NRG3: variants seen among roughly 807,000 people sequenced by gnomAD.
The protein encoded by NRG3 is pro-neuregulin-3, membrane-bound isoform.
A neutral mutation model predicts 66.9 loss-of-function variants in NRG3; 31 were observed. The observed-to-expected ratio is 0.46, with a 90% CI of 0.35 to 0.63. NRG3 has a LOEUF of 0.63. NRG3 is among the 20% of genes least tolerant of loss of function. The pLI is 0.00. For synonymous variants in NRG3, 393 were observed against 359.4 expected (o/e 1.09, Z -1.06); for missense variants, 910 against 878.9 (o/e 1.04, Z -0.45).
intron 1 of NRG3, among the ~76,000 whole-genome samples, chr10:82,134,009 T>C (rs1437583112): frequency 6.6e-6 from 1 of 152,198 alleles, no homozygotes; most frequent in Non-Finnish European, 1.5e-5. Flanking sequence ...ATTTCTCTAA[T>C]GATCACTGAT....
intron 1 of NRG3, among the ~76,000 whole-genome samples, chr10:82,008,729 C>T (rs2061467735): frequency 6.6e-6 from 1 of 152,002 alleles, no homozygotes; most frequent in Non-Finnish European, 1.5e-5. Flanking sequence ...ATGAGGAACA[C>T]AATTTGAATA....
intron 1 of NRG3, among the ~76,000 whole-genome samples, chr10:82,328,726 T>TGCCTGGCAC (rs2081992898): frequency 6.6e-6 from 1 of 152,172 alleles, no homozygotes; most frequent in Non-Finnish European, 1.5e-5. Context: ...CCTCCTGGCA[T>TGCCTGGCAC]GCCTGGCACA....
chr10:82,059,732 GGATGGATTCTTC>G (rs1262880748), intron 1 of NRG3, among the ~76,000 whole-genome samples: 1 of 152,068 alleles, frequency 6.6e-6, no homozygotes, highest in African/African-American at 2.4e-5. Flanking sequence ...TCCTACACCA[GGATGGATTCTTC>G]GCTTTCCATA....
chr10:82,594,198 C>T (rs981976), intron 2 of NRG3, among the ~76,000 whole-genome samples: 4,585 of 152,164 alleles, frequency 0.03, 239 homozygotes, highest in African/African-American at 0.1. Context: ...TATGTAGTCT[C>T]TTCAAGATGA....
rs973730684 is a variant in NRG3 at position 82,346,329 on chromosome 10, G to A, written c.824-12410G>A. 5.4e-5 allele frequency among the ~76,000 whole-genome samples: 8 copies of A among 148,552 alleles called. No homozygotes were observed. In the South Asian group the frequency reaches 1.7e-3, roughly 31 times the overall value. ...CTGCATCTATTGAGATAATCATGTGGTTTTTGTCTTTGGCTCTGTTTATAT... is the reference window on the plus strand; with the variant it reads ...CTGCATCTATTGAGATAATCATGTGATTTTTGTCTTTGGCTCTGTTTATAT... On this transcript the variant is annotated intron_variant, in intron 1 of 8. Coordinates refer to ENST00000372141, the MANE Select transcript of NRG3 (RefSeq NM_001010848.4).
chr10:82,097,395 C>CACACACAA (rs2066413776), intron 1 of NRG3, among the ~76,000 whole-genome samples: 1 of 145,996 alleles, frequency 6.8e-6, no homozygotes, highest in Admixed American at 6.9e-5. Flanking sequence ...CACACACACA[C>CACACACAA]ACTCCCAGAT....
chr10:82,723,080 T>C (rs2057398711), intron 2 of NRG3, among the ~76,000 whole-genome samples: 1 of 152,154 alleles, frequency 6.6e-6, no homozygotes, highest in Non-Finnish European at 1.5e-5. Context: ...TAGGTGCTGA[T>C]CAACAGTGGA....
intron 1 of NRG3, among the ~76,000 whole-genome samples, chr10:82,169,176 C>A (rs907259256): frequency 6.6e-6 from 1 of 152,092 alleles, no homozygotes; most frequent in Non-Finnish European, 1.5e-5. Context: ...ATATTGGTAT[C>A]TTTATGCACA....
chr10:82,743,109 T>C (rs2134818956), intron 3 of NRG3, among the ~76,000 whole-genome samples: 1 of 152,212 alleles, frequency 6.6e-6, no homozygotes, highest in African/African-American at 2.4e-5. Flanking sequence ...CCCCACCCTG[T>C]GCCTTTCTCT....
At chr10:82,944,275 T>A (rs1255898374) in intron 4 of NRG3, among the ~76,000 whole-genome samples, 1 of 152,248 alleles carries the variant, frequency 6.6e-6, no homozygotes, top group African/African-American at 2.4e-5. Flanking sequence ...ATAAATGTTA[T>A]GTGGAAATAA....
rs1324519945 is a variant in NRG3, at chr10:82,560,051, C to T, written c.954-178526C>T. Among the ~76,000 whole-genome samples the T allele has an allele frequency of 1.6e-4, 24 of 151,824 alleles. No homozygotes were observed. In the East Asian group the frequency reaches 4.6e-3, roughly 29 times the overall value. The stretch of plus-strand genomic sequence containing the variant: ...TGACATCAATTTTTTTCATTGTCAT[C>T]ATCTTTCCTATTAAGTTTATCTTCA... On this transcript the variant is annotated intron_variant, in intron 2 of 8. Transcript: ENST00000372141.
At chr10:82,109,537 G>T (rs770788291) in intron 1 of NRG3, among the ~76,000 whole-genome samples, 2 of 53,548 alleles carry the variant, frequency 3.7e-5, no homozygotes, top group African/African-American at 8.4e-5. Context: ...GAATAAGATT[G>T]TGTGTGTGTG....
chr10:82,920,358 G>A (rs1291644377), intron 4 of NRG3, among the ~76,000 whole-genome samples: 1 of 152,124 alleles, frequency 6.6e-6, no homozygotes, highest in Non-Finnish European at 1.5e-5. Flanking sequence ...TGAGTAAGGG[G>A]AGGAGACTAG....
chr10:82,272,739 A>C (rs1448586099), intron 1 of NRG3, among the ~76,000 whole-genome samples: 8 of 152,026 alleles, frequency 5.3e-5, no homozygotes, highest in Admixed American at 5.2e-4. Flanking sequence ...GATCTGCTAC[A>C]TTATTTATTT....
intron 1 of NRG3, among the ~76,000 whole-genome samples, chr10:82,247,260 C>T (rs1452196870): frequency 1.3e-5 from 2 of 152,116 alleles, no homozygotes; most frequent in Non-Finnish European, 2.9e-5. Flanking sequence ...GAGTGGGTAG[C>T]TCATAACAAA....
At chr10:82,324,518 C>T (rs1230865814) in intron 1 of NRG3, among the ~76,000 whole-genome samples, 2 of 151,960 alleles carry the variant, frequency 1.3e-5, no homozygotes, top group African/African-American at 2.4e-5. Flanking sequence ...AGATTATTAA[C>T]ATGAGGTGTT....
chr10:82,180,087 A>G (rs1222748944), intron 1 of NRG3, among the ~76,000 whole-genome samples: 1 of 151,694 alleles, frequency 6.6e-6, no homozygotes, highest in Admixed American at 6.6e-5. Context: ...TGTTGATTTT[A>G]TATACTACAA....
chr10:82,562,809 G>T (rs1460828770), intron 2 of NRG3, among the ~76,000 whole-genome samples: 1 of 151,416 alleles, frequency 6.6e-6, no homozygotes, highest in African/African-American at 2.4e-5. Context: ...AGCTGTAAGG[G>T]CAAGGGACAC....
At chr10:82,665,468 A>G (rs1300309469) in intron 2 of NRG3, among the ~76,000 whole-genome samples, 1 of 152,128 alleles carries the variant, frequency 6.6e-6, no homozygotes, top group Admixed American at 6.5e-5. Flanking sequence ...ACCCACTTTC[A>G]TGATCACACT....
Sources: allele counts gnomAD v4.1 joint callset (sites outside exome capture counted in the v4.1 genomes callset), GRCh38; gene constraint gnomAD v4.1.1; transcripts MANE v1.5; gene names NCBI Gene and HGNC (gene_info 2026-07-23, HGNC 2026-07-21).